NOTCH2: variants seen among roughly 807,000 people sequenced by gnomAD.
NOTCH2 encodes neurogenic locus notch homolog protein 2.
NOTCH2 carries 29 observed loss-of-function variants against 235.8 expected under a neutral mutation model. That is an observed-to-expected ratio of 0.12 (90% CI 0.09 to 0.17). The LOEUF is 0.17. NOTCH2 is among the 10% of genes least tolerant of loss of function. The probability of loss-of-function intolerance (pLI) is 1.00; values close to 1 mark genes in which losing one functional copy is unlikely to be tolerated. For synonymous variants in NOTCH2, 1,086 were observed against 1,141.5 expected, an observed-to-expected ratio of 0.95 and a Z score of 0.98; for missense variants, 2,285 against 3,150.2, an observed-to-expected ratio of 0.73 and a Z score of 6.57.
chr1:119,941,667 T>C lies in NOTCH2; in HGVS notation c.2840A>G (p.Gln947Arg), dbSNP rs977713300. The change falls in exon 18 of 34, where the codon CAG becomes CGG. Residue 947 changes from glutamine (Q) to arginine (R), a missense_variant. Coordinates refer to ENST00000256646, the MANE Select transcript of NOTCH2 (RefSeq NM_024408.4). ...ACTCAGACACTCATTCATGTCTGTCTGGCACTTATCCCCAGTGAAACCCGG... is the reference window on the plus strand; with the variant it reads ...ACTCAGACACTCATTCATGTCTGTCCGGCACTTATCCCCAGTGAAACCCGG... Reference protein sequence around the residue: ...CLPGFTGDKCQTDMNECLSEP... With the variant: ...CLPGFTGDKCRTDMNECLSEP... The C allele has an allele frequency of 1.9e-6, 3 of 1,614,052 alleles. No individual in the cohort carries two copies. In the African/African-American group the frequency reaches 4.0e-5, roughly 22 times the overall value.
intron 12 of NOTCH2, among the ~76,000 whole-genome samples, chr1:119,957,928 G>A (rs1650771907): frequency 6.6e-6 from 1 of 151,334 alleles, no homozygotes; most frequent in Non-Finnish European, 1.5e-5. Context: ...GAATGAGCAT[G>A]GGCTCAGGGG....
intron 24 of NOTCH2, 70 bp downstream of exon 24, chr1:119,926,429 A>G (rs1649473495): frequency 8.4e-7 from 1 of 1,184,226 alleles, no homozygotes; most frequent in Non-Finnish European, 1.2e-6. Flanking sequence ...ACCAGGTTTA[A>G]TCTCAGTTCT....
At chr1:120,042,535 T>A (rs1428736943) in intron 1 of NOTCH2, among the ~76,000 whole-genome samples, 2 of 134,130 alleles carry the variant, frequency 1.5e-5, no homozygotes, top group Non-Finnish European at 3.0e-5. Flanking sequence ...ATTAACAAGA[T>A]GAAGTCCTTT....
rs1451591017 is a variant in NOTCH2, at chr1:120,005,413, C to G, written c.331G>C (p.Val111Leu). 1.2e-6 allele frequency: 2 copies of G among 1,613,914 alleles called. No individual in the cohort carries two copies. Among genetic ancestry groups the G allele is most frequent in the East Asian group, 4.5e-5 (2 of 44,900 alleles). The change falls in exon 3 of 34, where the codon GTG (valine) becomes CTG (leucine). Residue 111 changes from valine to leucine, a missense_variant. Val to Leu is a conservative substitution (Grantham distance 32). Coordinates refer to ENST00000256646, the MANE Select transcript of NOTCH2 (RefSeq NM_024408.4). Reference sequence around the variant, plus strand: ...CCGCCATTCAGGCAGGGTCGAGACACAAAGCATGGATGAGATGTTGAGTAC... The same window carrying G: ...CCGCCATTCAGGCAGGGTCGAGACAGAAAGCATGGATGAGATGTTGAGTAC... ...CQYSTSHPCFVSRPCLNGGTC... is the reference protein window; with the variant it reads ...CQYSTSHPCFLSRPCLNGGTC...
intron 1 of NOTCH2, among the ~76,000 whole-genome samples, chr1:120,043,180 T>C (rs1303920459): frequency 1.1e-4 from 17 of 148,814 alleles, no homozygotes; most frequent in African/African-American, 3.6e-4. Context: ...CTGATTTCCA[T>C]CTACATTCCT....
chr1:119,950,958 C>A, intron 14 of NOTCH2, 121 bp from the exon 15 acceptor site: 2 of 733,926 alleles, frequency 2.7e-6, no homozygotes, highest in Non-Finnish European at 5.0e-6. Flanking sequence ...TTTCTTCAGG[C>A]CACTGAAATA....
At position 119,915,582 on chromosome 1, in the gene NOTCH2, C is replaced by T. The variant is rs150785478; in HGVS notation, c.7140G>A (p.Val2380=). Residue 2380 remains valine, a synonymous_variant, in exon 34 of 34, where the codon GTG becomes GTA. Coordinates refer to ENST00000256646, the MANE Select transcript of NOTCH2 (RefSeq NM_024408.4). The part of the protein sequence containing the change: ...LPAYHPFPAS[V]GKYPTPPSQH... ...GTGAAGGGGGTGTGGGGTACTTGCC[C>T]ACAGAGGCTGGGAAAGGATGATAGG... The T allele has an allele frequency of 3.1e-6, 5 of 1,614,010 alleles. No individual in the cohort carries two copies. The highest frequency in any genetic ancestry group is 1.7e-5 in the Admixed American group (1 of 60,016).
intron 2 of NOTCH2, among the ~76,000 whole-genome samples, chr1:120,015,173 C>T (rs1353591324): frequency 2.0e-5 from 3 of 152,156 alleles, no homozygotes; most frequent in Non-Finnish European, 2.9e-5. Context: ...GAAAAAAAGT[C>T]TCATGTGGGT....
intron 2 of NOTCH2, among the ~76,000 whole-genome samples, chr1:120,017,335 C>A (rs1553208264): frequency 6.6e-6 from 1 of 151,866 alleles, no homozygotes; most frequent in East Asian, 1.9e-4. Context: ...TAAGTCTCAA[C>A]TTAAATGTTA....
chr1:119,918,427 C>T lies in NOTCH2; in HGVS notation c.5908G>A (p.Val1970Met). 2 of 1,614,204 alleles carry T rather than the reference C, an allele frequency of 1.2e-6. No individual in the cohort carries two copies. Among genetic ancestry groups the T allele is most frequent in the Non-Finnish European group, 1.7e-6 (2 of 1,180,048 alleles). Residue 1970 changes from valine (V) to methionine (M), a missense_variant, in exon 32 of 34, where the codon GTG becomes ATG. Physicochemically the swap from Val to Met is conservative, Grantham distance 21. Transcript: ENST00000256646. Reference sequence around the variant, plus strand: ...CTACCATGGTCATCCACTGCATTCACATCCGCTTGGCAGTTGATCAGTTCT... The same window carrying T: ...CTACCATGGTCATCCACTGCATTCATATCCGCTTGGCAGTTGATCAGTTCT... Reference protein sequence around the residue: ...VAELINCQADVNAVDDHGKSA... With the variant: ...VAELINCQADMNAVDDHGKSA...
chr1:119,954,927 A>G lies in NOTCH2; in HGVS notation c.2219+113T>C, dbSNP rs1650627493. ...CTTTGATGCAGACTACCAAATCTTC[A>G]GCAAAGTTTCAGCTCAAAGCCCCAT... On this transcript the variant is annotated intron_variant, in intron 13 of 33. Coordinates refer to ENST00000256646, the MANE Select transcript of NOTCH2 (RefSeq NM_024408.4). The G allele has an allele frequency of 6.9e-6, 7 of 1,020,564 alleles. No individual in the cohort carries two copies. In the East Asian group the frequency reaches 7.6e-5, roughly 11 times the overall value. 63.2% of individuals were successfully genotyped at this position (1,020,564 alleles called of 1,614,324 possible). A position where few individuals can be genotyped will look rare whatever the true frequency, so the allele number is the denominator to read the frequency against.
At chr1:119,922,116 C>T (rs1649305999) in intron 28 of NOTCH2, 120 bp downstream of exon 28, 9 of 1,138,264 alleles carry the variant, frequency 7.9e-6, no homozygotes, top group Non-Finnish European at 1.2e-5. Context: ...CATTTAGAAT[C>T]ATGGTCAATG....
intron 25 of NOTCH2, among the ~76,000 whole-genome samples, chr1:119,924,333 C>A (rs949989166): frequency 6.6e-6 from 1 of 152,130 alleles, no homozygotes; most frequent in Admixed American, 6.5e-5. Context: ...AAATCCATTG[C>A]CCCCAGTAAG....
At chr1:120,033,441 A>AAAAAAAC (rs1553211297) in intron 1 of NOTCH2, among the ~76,000 whole-genome samples, 2 of 133,018 alleles carry the variant, frequency 1.5e-5, no homozygotes, top group Non-Finnish European at 3.2e-5. Flanking sequence ...AAAAAAAAAA[A>AAAAAAAC]AGCTGTGGTA....
chr1:119,915,188 T>C lies in NOTCH2; in HGVS notation c.*118A>G. ...TATCTGAATAAGAACATCTTCTCTTTCCTACCTCTAGAAGCTGGCTCCAGA... is the reference window on the plus strand; with the variant it reads ...TATCTGAATAAGAACATCTTCTCTTCCCTACCTCTAGAAGCTGGCTCCAGA... On this transcript the variant is annotated 3_prime_UTR_variant, in exon 34 of 34. Coordinates refer to ENST00000256646, the MANE Select transcript of NOTCH2 (RefSeq NM_024408.4). The C allele has an allele frequency of 9.4e-7, 1 of 1,061,178 alleles. No homozygotes were observed. The highest frequency in any genetic ancestry group is 1.4e-6 in the Non-Finnish European group (1 of 692,748). 65.7% of individuals were successfully genotyped at this position (1,061,178 alleles called of 1,614,324 possible).
At chr1:120,067,196 C>G (rs1212760675) in intron 1 of NOTCH2, among the ~76,000 whole-genome samples, 7 of 151,160 alleles carry the variant, frequency 4.6e-5, no homozygotes, top group Non-Finnish European at 1.0e-4. Context: ...ATTCAAGAAG[C>G]CTTCACTGTA....
At chr1:119,978,832 G>T (rs1651698722) in intron 5 of NOTCH2, among the ~76,000 whole-genome samples, 1 of 152,080 alleles carries the variant, frequency 6.6e-6, no homozygotes, top group Non-Finnish European at 1.5e-5. Context: ...GGGATCCAGG[G>T]GAACACCCAC....
intron 5 of NOTCH2, among the ~76,000 whole-genome samples, chr1:119,982,457 T>TA (rs1375717227): frequency 3.3e-5 from 5 of 152,320 alleles, no homozygotes; most frequent in Admixed American, 1.3e-4. Context: ...AATGAACCTT[T>TA]AAAAAGAAAA....
chr1:119,995,600 C>A (rs1343313258), intron 4 of NOTCH2: 11 of 151,918 alleles, frequency 7.2e-5, no homozygotes, highest in Non-Finnish European at 1.5e-4. Flanking sequence ...ATTTCTTCTA[C>A]AAGATAAAGT....
Sources: allele counts gnomAD v4.1 joint callset (sites outside exome capture counted in the v4.1 genomes callset), GRCh38; gene constraint gnomAD v4.1.1; transcripts MANE v1.5; gene names NCBI Gene and HGNC (gene_info 2026-07-23, HGNC 2026-07-21).